Variants in GRIN2B observed in about 807,000 individuals in gnomAD.
GRIN2B encodes glutamate receptor ionotropic, NMDA 2B.
A neutral mutation model predicts 114.5 loss-of-function variants in GRIN2B; 5 were observed. The ratio of observed to expected loss-of-function variants is 0.04; its 90% CI spans 0.02 to 0.09. GRIN2B has a LOEUF of 0.09. Ranked by LOEUF, GRIN2B falls within the 10% of genes least tolerant of loss-of-function variation. GRIN2B has a pLI of 1.00. For synonymous variants in GRIN2B, 787 were observed against 745.1 expected (o/e 1.06, Z -0.92); for missense variants, 1,108 against 1,943.5 (o/e 0.57, Z 8.08).
intron 2 of GRIN2B, among the ~76,000 whole-genome samples, chr12:13,952,014 C>CTG (rs1867491214): frequency 6.6e-6 from 1 of 151,898 alleles, no homozygotes; most frequent in Non-Finnish European, 1.5e-5. Context: ...AAAAGTGGAT[C>CTG]TGTGTATATA....
intron 3 of GRIN2B, among the ~76,000 whole-genome samples, chr12:13,826,177 AC>A (rs1325928164): frequency 6.6e-6 from 1 of 151,992 alleles, no homozygotes; most frequent in African/African-American, 2.4e-5. Context: ...TTCTTCAAAT[AC>A]TATTACACCA....
intron 4 of GRIN2B, among the ~76,000 whole-genome samples, chr12:13,739,077 T>G (rs1163832536): frequency 1.3e-5 from 2 of 152,070 alleles, no homozygotes; most frequent in Non-Finnish European, 2.9e-5. Flanking sequence ...AGAAGACTCT[T>G]GTATCTGAAA....
intron 3 of GRIN2B, among the ~76,000 whole-genome samples, chr12:13,837,954 A>C (rs914122383): frequency 6.6e-6 from 1 of 152,186 alleles, no homozygotes; most frequent in African/African-American, 2.4e-5. Flanking sequence ...AATGCAAATA[A>C]ATATTAAATA....
chr12:13,977,640 T>G (rs1333901781), intron 2 of GRIN2B, among the ~76,000 whole-genome samples: 1 of 152,008 alleles, frequency 6.6e-6, no homozygotes, highest in Non-Finnish European at 1.5e-5. Context: ...AAAGACAAAA[T>G]AGAACCCAGT....
chr12:13,565,136 C>G (rs1046730190), intron 13 of GRIN2B, among the ~76,000 whole-genome samples: 1 of 152,236 alleles, frequency 6.6e-6, no homozygotes, highest in African/African-American at 2.4e-5. Flanking sequence ...TAGCTTACAA[C>G]TGTCACTCTT....
At chr12:13,949,427 A>G (rs1229922317) in intron 2 of GRIN2B, among the ~76,000 whole-genome samples, 2 of 152,080 alleles carry the variant, frequency 1.3e-5, no homozygotes, top group African/African-American at 4.8e-5. Flanking sequence ...GGGTTGCTAC[A>G]GGTTTCCAGG....
In GRIN2B at chr12:13,553,910, A is replaced by T. The variant is rs1948447360; in HGVS notation, c.*8873T>A. On this transcript the variant is annotated 3_prime_UTR_variant, in exon 14 of 14. Transcript: ENST00000609686. ...AAACAGTCCAAAACAACTTCAAAGG[A>T]CAAAGCACTTAGAAAAAGGACAAAG... 1.4e-5 allele frequency: 2 copies of T among 146,704 alleles called. No homozygotes were observed. Among genetic ancestry groups the T allele is most frequent in the Non-Finnish European group, 3.1e-5 (2 of 64,890 alleles). 9.1% of individuals were successfully genotyped at this position (146,704 alleles called of 1,614,324 possible). A position where few individuals can be genotyped will look rare whatever the true frequency, so the allele number is the denominator to read the frequency against.
chr12:13,689,316 G>C (rs890104377), intron 4 of GRIN2B, among the ~76,000 whole-genome samples: 10 of 152,056 alleles, frequency 6.6e-5, no homozygotes, highest in African/African-American at 2.4e-4. Flanking sequence ...CTCTCAATGA[G>C]TTAAAACTTA....
chr12:13,910,513 C>T (rs137855837), intron 2 of GRIN2B, among the ~76,000 whole-genome samples: 2,107 of 152,290 alleles, frequency 0.014, 25 homozygotes, highest in Middle Eastern at 0.034. Context: ...TCCTTTGACG[C>T]AAGTCCTCCT....
chr12:13,624,871 T>C (rs755036067), intron 5 of GRIN2B, among the ~76,000 whole-genome samples: 3 of 152,182 alleles, frequency 2.0e-5, no homozygotes, highest in Non-Finnish European at 4.4e-5. Context: ...TCTGAGTGAC[T>C]CTTCTTCGCT....
At chr12:13,647,602 G>A (rs1352913120) in intron 5 of GRIN2B, among the ~76,000 whole-genome samples, 1 of 152,032 alleles carries the variant, frequency 6.6e-6, no homozygotes, top group Non-Finnish European at 1.5e-5. Flanking sequence ...CCTGGCCATC[G>A]TGTTAAGGAA....
chr12:13,865,775 T>C (rs1865816873), intron 3 of GRIN2B, 23 bp downstream of exon 3: 2 of 1,594,380 alleles, frequency 1.3e-6, no homozygotes, highest in Non-Finnish European at 1.7e-6. Context: ...CCTCAGGCCC[T>C]TCTCCCTGCA....
intron 3 of GRIN2B, among the ~76,000 whole-genome samples, chr12:13,782,001 C>G (rs983473181): frequency 6.6e-6 from 1 of 152,122 alleles, no homozygotes. Context: ...ACACATAGCC[C>G]CATCACAGAG....
chr12:13,745,059 C>T (rs934322512), intron 4 of GRIN2B, among the ~76,000 whole-genome samples: 2 of 152,060 alleles, frequency 1.3e-5, no homozygotes, highest in African/African-American at 4.8e-5. Context: ...TGAGAGGAAA[C>T]GAAGAGAAAG....
chr12:13,547,979 A>ATTTTTTTTTTTTTT lies in GRIN2B; in HGVS notation c.*14803_*14804insAAAAAAAAAAAAAA, dbSNP rs1425325795. The ATTTTTTTTTTTTTT allele has an allele frequency of 5.0e-5, 3 of 59,550 alleles. No individual in the cohort carries two copies. Among genetic ancestry groups the ATTTTTTTTTTTTTT allele is most frequent in the Non-Finnish European group, 1.1e-4 (3 of 27,334 alleles). 3.7% of individuals were successfully genotyped at this position (59,550 alleles called of 1,614,324 possible). A position where few individuals can be genotyped will look rare whatever the true frequency, so the allele number is the denominator to read the frequency against. Reference sequence around the variant, plus strand: ...TGTGTGTATATATATATATATATATATATTTTTTTTTTTTTTCTGAAAGCT... The same window carrying ATTTTTTTTTTTTTT: ...TGTGTGTATATATATATATATATATATTTTTTTTTTTTTTTATTTTTTTTTTTTTTCTGAAAGCT... On this transcript the variant is annotated 3_prime_UTR_variant, in exon 14 of 14. Coordinates refer to ENST00000609686, the MANE Select transcript of GRIN2B (RefSeq NM_000834.5).
chr12:13,816,925 A>G (rs1864833935), intron 3 of GRIN2B, among the ~76,000 whole-genome samples: 1 of 152,210 alleles, frequency 6.6e-6, no homozygotes, highest in East Asian at 1.9e-4. Flanking sequence ...AAATCTTGCC[A>G]AGCAGTTTAT....
intron 10 of GRIN2B, among the ~76,000 whole-genome samples, chr12:13,578,726 A>G (rs1948808307): frequency 6.6e-6 from 1 of 152,246 alleles, no homozygotes; most frequent in Non-Finnish European, 1.5e-5. Context: ...AATTTCAAAT[A>G]GTGAAAAAGA....
chr12:13,820,502 A>G (rs1220741471), intron 3 of GRIN2B, among the ~76,000 whole-genome samples: 2 of 152,212 alleles, frequency 1.3e-5, no homozygotes, highest in Non-Finnish European at 2.9e-5. Context: ...TTTTCTCTGT[A>G]TTCTGACAGC....
At chr12:13,780,001 C>T (rs887984639) in intron 3 of GRIN2B, among the ~76,000 whole-genome samples, 2 of 152,196 alleles carry the variant, frequency 1.3e-5, no homozygotes, top group African/African-American at 4.8e-5. Context: ...TACTACTATC[C>T]ATTGTTCCAA....
Sources: gnomAD v4.1 joint callset for allele counts (sites outside exome capture counted in the v4.1 genomes callset) on GRCh38, gnomAD v4.1.1 for gene constraint, MANE v1.5 for transcripts, NCBI Gene and HGNC (gene_info 2026-07-23, HGNC 2026-07-21) for gene names.